TRPC7: variants seen among roughly 807,000 people sequenced by gnomAD.
The protein encoded by TRPC7 is transient receptor potential cation channel subfamily C member 7.
TRPC7 carries 42 observed loss-of-function variants against 90.1 expected under a neutral mutation model. That is an observed-to-expected ratio of 0.47 (90% CI 0.36 to 0.60). TRPC7 has a LOEUF of 0.60. Ranked by LOEUF, TRPC7 falls within the 20% of genes least tolerant of loss-of-function variation. The pLI is 0.00. For missense variants in TRPC7, 955 were observed against 1,112.3 expected, an observed-to-expected ratio of 0.86 and a Z score of 2.01; for synonymous variants, 451 against 436.3, an observed-to-expected ratio of 1.03 and a Z score of -0.42.
At chr5:136,230,025 G>A (rs1255790967) in intron 8 of TRPC7, among the ~76,000 whole-genome samples, 3 of 152,132 alleles carry the variant, frequency 2.0e-5, no homozygotes, top group African/African-American at 4.8e-5. Context: ...ATTTTCCCAT[G>A]TCAGTACAAA....
At chr5:136,352,749 T>C (rs1760239242) in intron 2 of TRPC7, among the ~76,000 whole-genome samples, 1 of 152,120 alleles carries the variant, frequency 6.6e-6, no homozygotes, top group East Asian at 1.9e-4. Context: ...CCATTTTAGG[T>C]ACTGTGGGGA....
intron 2 of TRPC7, among the ~76,000 whole-genome samples, chr5:136,347,814 C>T (rs1334831156): frequency 6.6e-6 from 1 of 152,198 alleles, no homozygotes; most frequent in Non-Finnish European, 1.5e-5. Context: ...TGCTTCCTGT[C>T]CCTATTCCTC....
chr5:136,280,747 C>A (rs1757522991), intron 3 of TRPC7, among the ~76,000 whole-genome samples: 1 of 152,206 alleles, frequency 6.6e-6, no homozygotes, highest in African/African-American at 2.4e-5. Flanking sequence ...TGTAAACTGA[C>A]ATCAATTCAG....
At chr5:136,286,464 C>G (rs1206656785) in intron 3 of TRPC7, among the ~76,000 whole-genome samples, 1 of 152,140 alleles carries the variant, frequency 6.6e-6, no homozygotes, top group East Asian at 1.9e-4. Flanking sequence ...CCTGAGACCC[C>G]CATGCTGTGA....
At chr5:136,354,201 A>T (rs1760288612) in intron 2 of TRPC7, among the ~76,000 whole-genome samples, 1 of 152,232 alleles carries the variant, frequency 6.6e-6, no homozygotes, top group Admixed American at 6.5e-5. Flanking sequence ...GCAAAGTTCA[A>T]CCAATTCTCC....
At chr5:136,358,305 G>A (rs962657805) in intron 1 of TRPC7, among the ~76,000 whole-genome samples, 1 of 152,144 alleles carries the variant, frequency 6.6e-6, no homozygotes, top group Non-Finnish European at 1.5e-5. Flanking sequence ...TTCCCAGTGT[G>A]GCCTAGTGTA....
chr5:136,339,855 C>CAACA (rs1198259291), intron 2 of TRPC7, among the ~76,000 whole-genome samples: 2 of 108,580 alleles, frequency 1.8e-5, no homozygotes. Context: ...ACAACAACAA[C>CAACA]AACAACAACA....
chr5:136,252,372 G>GT (rs1156898469), intron 5 of TRPC7, among the ~76,000 whole-genome samples: 3 of 151,446 alleles, frequency 2.0e-5, no homozygotes, highest in African/African-American at 7.3e-5. Flanking sequence ...GTTTTGTTTT[G>GT]TTTTTAAATC....
rs1420686163 is a variant in TRPC7, at chr5:136,242,678, G to A, written c.1844+4793C>T. Among the ~76,000 whole-genome samples, 2 of 152,200 alleles carry A rather than the reference G, an allele frequency of 1.3e-5. 1 individual carries two copies. Among genetic ancestry groups the A allele is most frequent in the Admixed American group, 1.3e-4 (2 of 15,290 alleles). On this transcript the variant is annotated intron_variant, in intron 7 of 11. Coordinates refer to ENST00000513104, the MANE Select transcript of TRPC7 (RefSeq NM_020389.3). ...ACTTCCATCTCCCTATTGGTGCAAT[G>A]ATGAGGTTGGATCAGATTAGCATTT...
At chr5:136,216,058 T>G (rs1254488683) in intron 11 of TRPC7, 142 bp downstream of exon 11, 1 of 685,630 alleles carries the variant, frequency 1.5e-6, no homozygotes, top group Admixed American at 2.6e-5. Context: ...TGCCGACAAC[T>G]GAATGAGCAA....
intron 5 of TRPC7, among the ~76,000 whole-genome samples, chr5:136,262,617 T>A (rs1226940388): frequency 6.6e-6 from 1 of 152,252 alleles, no homozygotes; most frequent in Admixed American, 6.5e-5. Flanking sequence ...TTAGGCTTGA[T>A]AATGTTTTTC....
At chr5:136,339,845 A>ACAACAACAACAACAG (rs1298777597) in intron 2 of TRPC7, among the ~76,000 whole-genome samples, 2 of 131,238 alleles carry the variant, frequency 1.5e-5, no homozygotes, top group Non-Finnish European at 3.5e-5. Context: ...TACTGCAACA[A>ACAACAACAACAACAG]CAACAACAAC....
At chr5:136,265,815 T>G (rs988607320) in intron 5 of TRPC7, among the ~76,000 whole-genome samples, 13 of 152,214 alleles carry the variant, frequency 8.5e-5, no homozygotes, top group Admixed American at 7.9e-4. Flanking sequence ...AATATGAATA[T>G]TTAGTGATAA....
At chr5:136,256,928 A>G (rs1756704418) in intron 5 of TRPC7, among the ~76,000 whole-genome samples, 2 of 150,426 alleles carry the variant, frequency 1.3e-5, no homozygotes, top group Admixed American at 1.3e-4. Context: ...TGCCTACATG[A>G]TAACAATCGC....
At chr5:136,358,005 T>C (rs1760444246) in intron 1 of TRPC7, among the ~76,000 whole-genome samples, 1 of 152,206 alleles carries the variant, frequency 6.6e-6, no homozygotes, top group Non-Finnish European at 1.5e-5. Flanking sequence ...TCCTACACCA[T>C]GGCAAAACTG....
chr5:136,337,152 C>A (rs774450043), intron 2 of TRPC7, among the ~76,000 whole-genome samples: 1 of 152,298 alleles, frequency 6.6e-6, no homozygotes, highest in East Asian at 1.9e-4. Flanking sequence ...GGTTCCCTTA[C>A]GTAACCTCTA....
chr5:136,303,656 T>A (rs1466450082), intron 3 of TRPC7: 1 of 152,002 alleles, frequency 6.6e-6, no homozygotes, highest in Non-Finnish European at 1.5e-5. Flanking sequence ...CCGTGTCCCA[T>A]CTGTGTGGGA....
rs1013941991 is a variant in TRPC7, at chr5:136,279,477, C to T, written c.964-4640G>A. On this transcript the variant is annotated intron_variant, in intron 3 of 11. Transcript: ENST00000513104. ...TTTCTGGAGGCGGAAGCATTTTCCC[C>T]CAGTCACCAGAAGTCCTCTCAGAGC... Among the ~76,000 whole-genome samples, 5 of 152,262 alleles carry T rather than the reference C, an allele frequency of 3.3e-5. No homozygotes were observed. The East Asian group carries it at 9.7e-4, about 29-fold the overall frequency.
chr5:136,362,182 C>G (rs1580999310), intron 1 of TRPC7, among the ~76,000 whole-genome samples: 1 of 152,234 alleles, frequency 6.6e-6, no homozygotes, highest in African/African-American at 2.4e-5. Context: ...ACATAAATTA[C>G]TGTTTTAAAT....
Sources: gnomAD v4.1 joint callset for allele counts (sites outside exome capture counted in the v4.1 genomes callset) on GRCh38, gnomAD v4.1.1 for gene constraint, MANE v1.5 for transcripts, NCBI Gene and HGNC (gene_info 2026-07-23, HGNC 2026-07-21) for gene names.